The following TANC1 variants were observed in gnomAD, a reference collection of about 807,000 sequenced individuals.
TANC1 encodes tetratricopeptide repeat, ankyrin repeat and coiled-coil containing 1.
In TANC1, 77 loss-of-function variants were observed where a neutral mutation model predicts 149.7. The ratio of observed to expected loss-of-function variants is 0.51; its 90% CI spans 0.43 to 0.62. TANC1 has a LOEUF of 0.62. Among genes scored for constraint, TANC1 ranks in the 20% least tolerant of loss-of-function variants. The probability of loss-of-function intolerance (pLI) is 0.00; values close to 1 mark genes in which losing one functional copy is unlikely to be tolerated. For synonymous variants in TANC1, 854 were observed against 925.0 expected (o/e 0.92, Z 1.39); for missense variants, 1,985 against 2,321.8 (o/e 0.85, Z 2.98).
rs1214235933 is a variant in TANC1 at position 159,033,392 on chromosome 2, TCA to T, written c.-16+32206_-16+32207del. Among the ~76,000 whole-genome samples, 3 of 152,190 alleles carry T rather than the reference TCA, an allele frequency of 2.0e-5. No individual in the cohort carries two copies. The East Asian group carries it at 5.8e-4, about 29-fold the overall frequency. ...GAAGAATCGTAAATGTATGACCGGT[TCA>T]CAGACTGTTGAGTTGTGTGGCTGAT... On this transcript the variant is annotated intron_variant, in intron 2 of 26. Transcript: ENST00000263635.
At chr2:159,222,744 G>T (rs1012320355) in intron 22 of TANC1, among the ~76,000 whole-genome samples, 1 of 152,066 alleles carries the variant, frequency 6.6e-6, no homozygotes, top group Non-Finnish European at 1.5e-5. Flanking sequence ...AGTTCTTTGG[G>T]GTATATATCC....
At chr2:159,144,994 T>C (rs1271135882) in intron 5 of TANC1, among the ~76,000 whole-genome samples, 1 of 152,178 alleles carries the variant, frequency 6.6e-6, no homozygotes, top group African/African-American at 2.4e-5. Context: ...TCGTCAGCAA[T>C]ACTCAGTGTT....
chr2:159,040,989 T>A (rs264609), intron 2 of TANC1, among the ~76,000 whole-genome samples: 1 of 152,118 alleles, frequency 6.6e-6, no homozygotes, highest in Admixed American at 6.5e-5. Context: ...TTCCTTTCTG[T>A]TTTTTAGTTT....
intron 3 of TANC1, among the ~76,000 whole-genome samples, chr2:159,089,402 G>A (rs560272984): frequency 1.3e-5 from 2 of 152,178 alleles, no homozygotes; most frequent in South Asian, 2.1e-4. Context: ...TGCATTTATC[G>A]CCTGCACCCC....
intron 23 of TANC1, 125 bp downstream of exon 23, chr2:159,224,489 T>G: frequency 2.8e-6 from 3 of 1,084,600 alleles, no homozygotes; most frequent in Non-Finnish European, 4.0e-6. Context: ...TGCAGATCTC[T>G]GTCTCAGTCT....
At chr2:158,987,443 G>A (rs1346457529) in intron 1 of TANC1, among the ~76,000 whole-genome samples, 5 of 151,864 alleles carry the variant, frequency 3.3e-5, no homozygotes, top group South Asian at 2.1e-4. Flanking sequence ...TAGGAGGATC[G>A]CTTGAGCCCA....
intron 1 of TANC1, among the ~76,000 whole-genome samples, chr2:158,973,666 G>A (rs529692419): frequency 1.1e-4 from 16 of 152,316 alleles, no homozygotes; most frequent in African/African-American, 3.6e-4. Flanking sequence ...AAAGAAGAGG[G>A]TTATTGTTAA....
chr2:159,078,076 A>G (rs1243615576), intron 3 of TANC1, among the ~76,000 whole-genome samples: 1 of 152,204 alleles, frequency 6.6e-6, no homozygotes, highest in Non-Finnish European at 1.5e-5. Flanking sequence ...ATTTGAAACC[A>G]TACTTCCTGG....
chr2:159,225,539 C>T (rs755803917), intron 23 of TANC1, 149 bp from the exon 24 acceptor site: 4 of 646,044 alleles, frequency 6.2e-6, no homozygotes, highest in South Asian at 3.7e-5. Flanking sequence ...GCAACAGCCT[C>T]GCCGGCGTCC....
intron 4 of TANC1, among the ~76,000 whole-genome samples, chr2:159,130,135 C>CGTT (rs377146026): frequency 1.6e-4 from 25 of 152,148 alleles, no homozygotes; most frequent in South Asian, 1.2e-3. Context: ...TCCTTGTTCT[C>CGTT]GTTGTTGTTG....
chr2:159,031,219 C>T (rs1157010115), intron 2 of TANC1, among the ~76,000 whole-genome samples: 1 of 152,216 alleles, frequency 6.6e-6, no homozygotes, highest in Admixed American at 6.5e-5. Flanking sequence ...GCAACTTAGC[C>T]AGAGCTATTT....
chr2:159,193,867 A>G (rs2057655403), intron 16 of TANC1, among the ~76,000 whole-genome samples: 1 of 151,462 alleles, frequency 6.6e-6, no homozygotes, highest in Non-Finnish European at 1.5e-5. Flanking sequence ...TAATTTTCAC[A>G]TCAGGGCCTT....
At chr2:159,206,498 G>C (rs983726190) in intron 19 of TANC1, among the ~76,000 whole-genome samples, 3 of 152,218 alleles carry the variant, frequency 2.0e-5, no homozygotes, top group African/African-American at 7.2e-5. Context: ...TAGAAACCCA[G>C]GGGTGGTGTC....
intron 3 of TANC1, among the ~76,000 whole-genome samples, chr2:159,096,036 A>G (rs1451532153): frequency 3.3e-5 from 5 of 152,128 alleles, no homozygotes; most frequent in Non-Finnish European, 7.3e-5. Flanking sequence ...TGGAGCCAGG[A>G]AGGCGTGGCA....
intron 4 of TANC1, among the ~76,000 whole-genome samples, chr2:159,102,694 C>T (rs2149961266): frequency 2.2e-5 from 2 of 89,606 alleles, no homozygotes; most frequent in Non-Finnish European, 4.9e-5. Flanking sequence ...TTAAACATTT[C>T]TGATTGTTGG....
chr2:159,106,662 A>C (rs1162323775), intron 4 of TANC1, among the ~76,000 whole-genome samples: 1 of 152,190 alleles, frequency 6.6e-6, no homozygotes, highest in Non-Finnish European at 1.5e-5. Flanking sequence ...TTATATGGAC[A>C]TATATTTTTC....
At chr2:159,143,335 A>G (rs1486176984) in intron 5 of TANC1, among the ~76,000 whole-genome samples, 6 of 152,098 alleles carry the variant, frequency 3.9e-5, no homozygotes, top group Admixed American at 3.3e-4. Context: ...ATAATGTTAC[A>G]CAGTCTTGCA....
At chr2:159,051,820 A>C (rs1371584359) in intron 2 of TANC1, among the ~76,000 whole-genome samples, 1 of 152,122 alleles carries the variant, frequency 6.6e-6, no homozygotes, top group Non-Finnish European at 1.5e-5. Flanking sequence ...ACTGAGCCAG[A>C]CTTAGGTTAT....
intron 4 of TANC1, among the ~76,000 whole-genome samples, chr2:159,125,301 C>A (rs987151476): frequency 6.6e-6 from 1 of 152,210 alleles, no homozygotes; most frequent in Non-Finnish European, 1.5e-5. Context: ...ACCTGTAGCA[C>A]ATGAGACAGT....
Sources: gnomAD v4.1 joint callset for allele counts (sites outside exome capture counted in the v4.1 genomes callset) on GRCh38, gnomAD v4.1.1 for gene constraint, MANE v1.5 for transcripts, NCBI Gene and HGNC (gene_info 2026-07-23, HGNC 2026-07-21) for gene names.